The following BANF2 variants were observed in gnomAD, a reference collection of about 807,000 sequenced individuals.
The protein encoded by BANF2 is barrier-to-autointegration factor-like protein.
Under a neutral mutation model 8.0 loss-of-function variants are expected in BANF2, and 4 were observed. The observed-to-expected ratio is 0.50, with a 90% CI of 0.25 to 1.14. The LOEUF is 1.14. Among genes scored for constraint, BANF2 ranks in the 50% most tolerant of loss-of-function variants. The pLI is 0.16. For missense variants in BANF2, 96 were observed against 107.5 expected, an observed-to-expected ratio of 0.89 and a Z score of 0.47; for synonymous variants, 50 against 40.6, an observed-to-expected ratio of 1.23 and a Z score of -0.88.
chr20:17,699,895 C>A (rs117938729), upstream of BANF2: 799 of 808,930 alleles, frequency 9.9e-4, 9 homozygotes, highest in East Asian at 0.034. Context: ...TTTGTGCTCA[C>A]CCCCGACCTG....
intron 1 of BANF2, among the ~76,000 whole-genome samples, chr20:17,703,689 G>C (rs561208592): frequency 3.1e-4 from 47 of 151,588 alleles, no homozygotes; most frequent in African/African-American, 1.1e-3. Flanking sequence ...ATCTCTATGC[G>C]GTTTGTCTGG....
In BANF2 at chr20:17,725,230, C is replaced by T. The variant is rs2037790093; in HGVS notation, c.126+79C>T. ...AGTCCTGCCAGATGGCAGTTCCTGC[C>T]ACGTGTCCCTGTGAAGGGCCATCAG... On this transcript the variant is annotated intron_variant, in intron 3 of 3. Transcript: ENST00000246090. The T allele has an allele frequency of 1.0e-5, 15 of 1,501,032 alleles. 1 individual carries two copies. In the South Asian group the frequency reaches 1.2e-4, roughly 12 times the overall value. 93.0% of individuals were successfully genotyped at this position (1,501,032 alleles called of 1,614,324 possible).
At chr20:17,720,763 C>G (rs545567666) in intron 1 of BANF2, among the ~76,000 whole-genome samples, 2 of 152,250 alleles carry the variant, frequency 1.3e-5, no homozygotes, top group South Asian at 2.1e-4. Flanking sequence ...ATTACTGAAC[C>G]GTGCACTTAA....
chr20:17,729,897 C>T (rs2037867292), intron 3 of BANF2, among the ~76,000 whole-genome samples: 1 of 152,190 alleles, frequency 6.6e-6, no homozygotes, highest in African/African-American at 2.4e-5. Flanking sequence ...AAAACCCCAC[C>T]TATGGGTAGG....
chr20:17,717,964 A>G (rs1007511663), intron 1 of BANF2, among the ~76,000 whole-genome samples: 19 of 152,224 alleles, frequency 1.2e-4, no homozygotes, highest in African/African-American at 3.9e-4. Flanking sequence ...TGGCCACTTG[A>G]ATATATAAAC....
intron 1 of BANF2, among the ~76,000 whole-genome samples, chr20:17,706,345 G>A (rs1330711387): frequency 6.6e-6 from 1 of 152,176 alleles, no homozygotes; most frequent in Non-Finnish European, 1.5e-5. Flanking sequence ...CAGTGACCCG[G>A]CTTGGGGATT....
intron 1 of BANF2, chr20:17,712,367 A>G (rs1218009705): frequency 9.5e-6 from 2 of 209,878 alleles, no homozygotes; most frequent in Non-Finnish European, 1.7e-5. Context: ...GCCACTGTTT[A>G]CTGCTGCTAC....
rs998208360 is a variant in BANF2 at position 17,693,823 on chromosome 20, C to T, written c.18+117C>T. On this transcript the variant is annotated intron_variant, in intron 1 of 2. Coordinates refer to the BANF2 transcript ENST00000545418. Reference sequence around the variant, plus strand: ...TGTCCAGTGGGAGGAGGTGCTTTCCCGAATTCTGAATTCTTTTCGGAACGT... The same window carrying T: ...TGTCCAGTGGGAGGAGGTGCTTTCCTGAATTCTGAATTCTTTTCGGAACGT... 2.6e-5 allele frequency: 32 copies of T among 1,225,212 alleles called. No homozygotes were observed. In the Admixed American group the frequency reaches 3.5e-4, roughly 13 times the overall value. 75.9% of individuals were successfully genotyped at this position (1,225,212 alleles called of 1,614,324 possible). A position where few individuals can be genotyped will look rare whatever the true frequency, so the allele number is the denominator to read the frequency against.
In BANF2 at chr20:17,694,347, C is replaced by T. The variant is rs568853270; in HGVS notation, c.18+641C>T. ...TGAACTCTGAATCACCCGAGGGAAC[C>T]AGCTGTTGAAGATGTGGGAGCAGAG... On this transcript the variant is annotated intron_variant, in intron 1 of 2. Coordinates refer to the BANF2 transcript ENST00000545418. Among the ~76,000 whole-genome samples, 7 of 152,194 alleles carry T rather than the reference C, an allele frequency of 4.6e-5. No homozygotes were observed. The East Asian group carries it at 9.7e-4, about 21-fold the overall frequency.
chr20:17,694,599 C>CTTTTTT (rs1256251082), intron 1 of BANF2, among the ~76,000 whole-genome samples: 1,182 of 82,586 alleles, frequency 0.014, 48 homozygotes, highest in Non-Finnish European at 0.018. Flanking sequence ...TTTTTTCTCT[C>CTTTTTT]TCTTTTTTTT....
At chr20:17,712,835 C>G (rs529665728) in intron 1 of BANF2, among the ~76,000 whole-genome samples, 1 of 152,062 alleles carries the variant, frequency 6.6e-6, no homozygotes, top group African/African-American at 2.4e-5. Flanking sequence ...AGTGCCCCTA[C>G]GTTTATAGCA....
upstream of BANF2, among the ~76,000 whole-genome samples, chr20:17,699,040 C>T (rs1015059076): frequency 8.5e-5 from 13 of 152,204 alleles, no homozygotes; most frequent in African/African-American, 3.1e-4. Context: ...GGGTTCTCCC[C>T]CAGACCTAAT....
At chr20:17,716,343 C>CT (rs1160736025) in intron 1 of BANF2, among the ~76,000 whole-genome samples, 4 of 151,892 alleles carry the variant, frequency 2.6e-5, no homozygotes, top group South Asian at 2.1e-4. Context: ...TTTTCTTTTC[C>CT]TTTTTTTTCT....
intron 1 of BANF2, among the ~76,000 whole-genome samples, chr20:17,713,074 C>T (rs551902566): frequency 2.0e-5 from 3 of 151,888 alleles, no homozygotes; most frequent in East Asian, 3.9e-4. Flanking sequence ...TTAGGGAGAC[C>T]CCCCGATCTC....
chr20:17,724,950 T>C (rs2037782279), intron 2 of BANF2, 73 bp from the exon 3 acceptor site: 6 of 1,442,138 alleles, frequency 4.2e-6, no homozygotes, highest in African/African-American at 1.4e-5. Context: ...GCTGAGGGAG[T>C]TCCCCAGTGT....
At chr20:17,726,045 G>C (rs539207591) in intron 3 of BANF2, among the ~76,000 whole-genome samples, 2 of 152,326 alleles carry the variant, frequency 1.3e-5, no homozygotes, top group South Asian at 2.1e-4. Context: ...CTGTGAGCCA[G>C]TTTAATGTCC....
intron 1 of BANF2, among the ~76,000 whole-genome samples, chr20:17,716,262 C>G (rs1479376741): frequency 6.6e-6 from 1 of 152,232 alleles, no homozygotes; most frequent in Non-Finnish European, 1.5e-5. Flanking sequence ...TCCTCAGACC[C>G]TTAACAGCCT....
At chr20:17,706,369 T>C (rs2180825) in intron 1 of BANF2, among the ~76,000 whole-genome samples, 16,628 of 152,184 alleles carry the variant, frequency 0.11, 1,167 homozygotes, top group Middle Eastern at 0.28. Flanking sequence ...ATGACCCATA[T>C]AGATCAAGAA....
intron 1 of BANF2, among the ~76,000 whole-genome samples, chr20:17,713,183 C>T (rs771727540): frequency 9.1e-4 from 139 of 151,920 alleles, no homozygotes; most frequent in Admixed American, 3.7e-3. Context: ...CACTTGACCC[C>T]GGAGTTCAAG....
Sources: allele counts gnomAD v4.1 joint callset (sites outside exome capture counted in the v4.1 genomes callset), GRCh38; gene constraint gnomAD v4.1.1; transcripts MANE v1.5; gene names NCBI Gene and HGNC (gene_info 2026-07-23, HGNC 2026-07-21).